Variants in CHAF1A observed in about 807,000 individuals in gnomAD.
CHAF1A encodes the protein CAF-1 subunit A.
In CHAF1A, 5 loss-of-function variants were observed where a neutral mutation model predicts 93.2. That is an observed-to-expected ratio of 0.05 (90% CI 0.03 to 0.11). CHAF1A has a LOEUF of 0.11. Among genes scored for constraint, CHAF1A ranks in the 10% least tolerant of loss-of-function variants. CHAF1A has a pLI of 1.00. For missense variants in CHAF1A, 1,102 were observed against 1,259.9 expected, an observed-to-expected ratio of 0.87 and a Z score of 1.90; for synonymous variants, 504 against 510.3, an observed-to-expected ratio of 0.99 and a Z score of 0.17.
chr19:4,440,232 T>C (rs1167297408), intron 13 of CHAF1A, among the ~76,000 whole-genome samples: 1 of 152,086 alleles, frequency 6.6e-6, no homozygotes, highest in Non-Finnish European at 1.5e-5. Flanking sequence ...ACAGAGAGGG[T>C]AAGCACTGAC....
chr19:4,408,793 C>T, intron 2 of CHAF1A, 110 bp from the exon 3 acceptor site: 2 of 1,406,014 alleles, frequency 1.4e-6, no homozygotes, highest in South Asian at 1.4e-5. Flanking sequence ...CCTTTTTAAA[C>T]TTTAAAATTA....
downstream of CHAF1A, chr19:4,445,806 C>A: frequency 9.0e-7 from 1 of 1,112,538 alleles, no homozygotes; most frequent in South Asian, 1.6e-5. Context: ...TAAGCCTAAA[C>A]CTACTGCACT....
chr19:4,407,930 G>A (rs1973709934), intron 2 of CHAF1A, among the ~76,000 whole-genome samples: 1 of 151,886 alleles, frequency 6.6e-6, no homozygotes, highest in Non-Finnish European at 1.5e-5. Flanking sequence ...CATGGGTGAC[G>A]AGCAAGACTG....
Position 4,430,502 on chromosome 19 carries a change from A to G in CHAF1A, c.1855-47A>G, listed in dbSNP as rs746614312. On this transcript the variant is annotated intron_variant, in intron 10 of 14. Coordinates refer to ENST00000301280, the MANE Select transcript of CHAF1A (RefSeq NM_005483.3). ...CTACTTTGTTTTTAATAAGGCACACACTCTGCTTTTCTATCTGATGAACTC... is the reference window on the plus strand; with the variant it reads ...CTACTTTGTTTTTAATAAGGCACACGCTCTGCTTTTCTATCTGATGAACTC... 6 of 1,326,238 alleles carry G rather than the reference A, an allele frequency of 4.5e-6. No homozygotes were observed. In the Admixed American group the frequency reaches 6.8e-5, roughly 15 times the overall value. The allele number at this position is 1,326,238 out of a possible 1,614,324, so 82.2% of individuals were successfully genotyped here.
chr19:4,422,066 G>C lies in CHAF1A; in HGVS notation c.1018-500G>C, dbSNP rs1599648822. Among the ~76,000 whole-genome samples, 1 of 151,488 alleles carries C rather than the reference G, an allele frequency of 6.6e-6. No homozygotes were observed. Among genetic ancestry groups the C allele is most frequent in the East Asian group, 1.9e-4 (1 of 5,130 alleles). Reference sequence around the variant, plus strand: ...ACTCTGTCACTGATGCTGGAGTGCAGTGGCACCGTGTTGGCTCACTGCAAC... The same window carrying C: ...ACTCTGTCACTGATGCTGGAGTGCACTGGCACCGTGTTGGCTCACTGCAAC... On this transcript the variant is annotated intron_variant, in intron 4 of 14. Coordinates refer to ENST00000301280, the MANE Select transcript of CHAF1A (RefSeq NM_005483.3). The surrounding 1 kb of genome is among the most constrained non-coding windows in gnomAD (Gnocchi z 4.6).
At chr19:4,408,461 C>CCTTTTTTTTTT (rs1973725517) in intron 2 of CHAF1A, among the ~76,000 whole-genome samples, 3 of 36,012 alleles carry the variant, frequency 8.3e-5, no homozygotes, top group Non-Finnish European at 1.3e-4. Flanking sequence ...CGCACCCGGC[C>CCTTTTTTTTTT]TTTTTTTTTT....
chr19:4,436,168 C>CG, intron 13 of CHAF1A, among the ~76,000 whole-genome samples: 1 of 151,976 alleles, frequency 6.6e-6, no homozygotes, highest in Non-Finnish European at 1.5e-5. Flanking sequence ...AAAAGGTGGT[C>CG]GTTAGGGGCA....
rs552010184 is a variant in CHAF1A at position 4,434,717 on chromosome 19, TC to T, written c.2673+1179del. Among the ~76,000 whole-genome samples, 195 of 152,310 alleles carry T rather than the reference TC, an allele frequency of 1.3e-3. 1 individual carries two copies. Among genetic ancestry groups the T allele is most frequent in the African/African-American group, 4.4e-3 (181 of 41,580 alleles). ...CATGTGGTAGCATTTTTATTTTTGT[TC>T]AACGGTTCTTGAATTTTGCATTCAA... On this transcript the variant is annotated intron_variant, in intron 13 of 14. Transcript: ENST00000301280.
Position 4,423,664 on chromosome 19 carries a change from G to A in CHAF1A, c.1309-142G>A, listed in dbSNP as rs752957375. 1.1e-4 allele frequency: 112 copies of A among 976,306 alleles called. 1 individual carries two copies. The highest frequency in any genetic ancestry group is 1.6e-4 in the South Asian group (10 of 63,500). The allele number at this position is 976,306 out of a possible 1,614,324, so 60.5% of individuals were successfully genotyped here. A position where few individuals can be genotyped will look rare whatever the true frequency, so the allele number is the denominator to read the frequency against. On this transcript the variant is annotated intron_variant, in intron 6 of 14. Coordinates refer to ENST00000301280, the MANE Select transcript of CHAF1A (RefSeq NM_005483.3). ...GATTGGCTGGCTCAGTTGCGGGTCC[G>A]TGGGTTTTGAGAGCTGAAAATCACA...
intron 6 of CHAF1A, 33 bp from the exon 7 acceptor site, chr19:4,423,770 TCTC>T (rs1482612009): frequency 6.3e-7 from 1 of 1,599,900 alleles, no homozygotes; most frequent in Non-Finnish European, 8.6e-7. Flanking sequence ...TTCCTCTTCC[TCTC>T]CTCTTTCTCA....
downstream of CHAF1A, among the ~76,000 whole-genome samples, chr19:4,443,805 T>C (rs1465765685): frequency 6.6e-6 from 1 of 152,086 alleles, no homozygotes. Context: ...TGAGTGGGCT[T>C]TATCCACACT....
chr19:4,449,811 G>A (rs243391), downstream of CHAF1A: 149,056 of 152,192 alleles, frequency 0.98, 73,004 homozygotes, highest in Non-Finnish European at 0.98. Context: ...TGAGAAGAAA[G>A]CTGAGCCAAG....
At chr19:4,449,349 C>G (rs1465538248), downstream of CHAF1A, 1 of 153,014 alleles carries the variant, frequency 6.5e-6, no homozygotes, top group Non-Finnish European at 1.5e-5. Context: ...CACCCCCCAC[C>G]CTCAACTGCA....
intron 3 of CHAF1A, among the ~76,000 whole-genome samples, chr19:4,413,558 G>C (rs1360533717): frequency 6.6e-6 from 1 of 152,242 alleles, no homozygotes; most frequent in Non-Finnish European, 1.5e-5. Context: ...TAATCTGTGT[G>C]CTTGTCACTG....
chr19:4,440,132 T>C (rs781223339), intron 13 of CHAF1A, among the ~76,000 whole-genome samples: 2 of 152,188 alleles, frequency 1.3e-5, no homozygotes, highest in Non-Finnish European at 2.9e-5. Context: ...TAGGTTTTTG[T>C]AGAGGAAGAA....
intron 7 of CHAF1A, among the ~76,000 whole-genome samples, chr19:4,425,112 T>C: frequency 6.6e-6 from 1 of 152,166 alleles, no homozygotes; most frequent in East Asian, 1.9e-4. Flanking sequence ...TTGATGGCAA[T>C]TGTGTATCCT....
At chr19:4,407,160 A>G (rs1973695398) in intron 2 of CHAF1A, among the ~76,000 whole-genome samples, 1 of 151,818 alleles carries the variant, frequency 6.6e-6, no homozygotes, top group Non-Finnish European at 1.5e-5. Context: ...AAGAGGTTGC[A>G]GTGAGCCAAG....
At chr19:4,435,251 C>T (rs1005361641) in intron 13 of CHAF1A, among the ~76,000 whole-genome samples, 15 of 151,644 alleles carry the variant, frequency 9.9e-5, no homozygotes, top group Non-Finnish European at 1.6e-4. Context: ...CCACCACGCC[C>T]GGCTAATTTT....
chr19:4,418,997 G>A (rs1488938657), intron 4 of CHAF1A, among the ~76,000 whole-genome samples: 1 of 151,666 alleles, frequency 6.6e-6, no homozygotes, highest in Non-Finnish European at 1.5e-5. Context: ...CGAGTAGCTG[G>A]GACTACAGGC....
Sources: allele counts gnomAD v4.1 joint callset (sites outside exome capture counted in the v4.1 genomes callset), GRCh38; gene constraint gnomAD v4.1.1; non-coding constraint Gnocchi (gnomAD v3.1); transcripts MANE v1.5; gene names NCBI Gene and HGNC (gene_info 2026-07-23, HGNC 2026-07-21).